The following POSTN variants were observed in gnomAD, a reference collection of about 807,000 sequenced individuals.
The protein encoded by POSTN is periostin, also known as osteoblast specific factor 2 (fasciclin I-like).
A neutral mutation model predicts 104.5 loss-of-function variants in POSTN; 71 were observed. The ratio of observed to expected loss-of-function variants is 0.68; its 90% CI spans 0.56 to 0.83. The LOEUF (loss-of-function observed/expected upper bound fraction) is 0.83, where lower values mean the gene tolerates loss of function less well. Among genes scored for constraint, POSTN ranks in the 40% least tolerant of loss-of-function variants. The probability of loss-of-function intolerance (pLI) is 0.00; values close to 1 mark genes in which losing one functional copy is unlikely to be tolerated. For synonymous variants in POSTN, 355 were observed against 340.7 expected, an observed-to-expected ratio of 1.04 and a Z score of -0.46; for missense variants, 949 against 1,006.8, an observed-to-expected ratio of 0.94 and a Z score of 0.78.
chr13:37,585,830 A>C (rs149473280), intron 7 of POSTN, among the ~76,000 whole-genome samples: 1 of 152,358 alleles, frequency 6.6e-6, no homozygotes, highest in African/African-American at 2.4e-5. Flanking sequence ...GCATTGCATA[A>C]CGTGCATACA....
intron 2 of POSTN, among the ~76,000 whole-genome samples, chr13:37,595,312 G>A (rs891459526): frequency 1.3e-5 from 2 of 151,892 alleles, no homozygotes; most frequent in Non-Finnish European, 2.9e-5. Context: ...TCCCTACTGG[G>A]GCCTAGCTTG....
intron 20 of POSTN, 77 bp from the exon 21 acceptor site, chr13:37,569,460 T>C: frequency 1.8e-6 from 2 of 1,139,874 alleles, no homozygotes; most frequent in Non-Finnish European, 2.6e-6. Flanking sequence ...TCATAAATAA[T>C]GGCATCTGCC....
chr13:37,592,568 G>T (rs1950971873), intron 2 of POSTN, among the ~76,000 whole-genome samples: 1 of 152,138 alleles, frequency 6.6e-6, no homozygotes, highest in South Asian at 2.1e-4. Context: ...AAAGTGTTGG[G>T]ATTACAGGCA....
chr13:37,584,655 G>T, intron 8 of POSTN, 61 bp downstream of exon 8: 1 of 1,329,638 alleles, frequency 7.5e-7, no homozygotes, highest in Non-Finnish European at 1.1e-6. Context: ...CTTTGAGACA[G>T]CATAATTAGT....
chr13:37,586,356 C>T lies in POSTN; in HGVS notation c.754-76G>A, dbSNP rs546919057. The T allele has an allele frequency of 8.2e-6, 12 of 1,470,722 alleles. No homozygotes were observed. The East Asian group carries it at 1.4e-4, about 17-fold the overall frequency. The allele number at this position is 1,470,722 out of a possible 1,614,324, so 91.1% of individuals were successfully genotyped here. ...AAGATTGCAACACACTTAGCCTAGG[C>T]TGACATGAAGGAGCTGATTCCTACA... On this transcript the variant is annotated intron_variant, in intron 6 of 22. Transcript: ENST00000379747.
At chr13:37,583,865 A>G (rs1950670206) in intron 9 of POSTN, 104 bp downstream of exon 9, 3 of 1,397,152 alleles carry the variant, frequency 2.1e-6, no homozygotes, top group Non-Finnish European at 2.9e-6. Context: ...GCAGAAACTA[A>G]TCAACACCTC....
In POSTN at chr13:37,586,826, T is replaced by C. The variant is rs757811469; in HGVS notation, c.709A>G (p.Ile237Val). The C allele has an allele frequency of 3.7e-6, 6 of 1,613,266 alleles. No homozygotes were observed. Among genetic ancestry groups the C allele is most frequent in the South Asian group, 3.3e-5 (3 of 91,052 alleles). ...TCTTCTGCTTCAATGAAGTCTTGAA[T>C]TGAGGTACCAATTTGTGTAAGCACA... is the stretch of plus-strand genomic sequence containing the variant. ...DRVLTQIGTS[I>V]QDFIEAEDDL... is the part of the protein sequence containing the mutation. The change falls in exon 6 of 23, where the codon ATT becomes GTT. Residue 237 changes from isoleucine (I) to valine (V), a missense_variant. By Grantham distance (29) the Ile-to-Val change is conservative. Coordinates refer to ENST00000379747, the MANE Select transcript of POSTN (RefSeq NM_006475.3).
At chr13:37,571,502 C>A in intron 17 of POSTN, 44 bp from the exon 18 acceptor site, 1 of 1,409,258 alleles carries the variant, frequency 7.1e-7, no homozygotes. Flanking sequence ...TTAAAACAGT[C>A]CTTTAAATTT....
chr13:37,571,077 C>T, intron 18 of POSTN: 1 of 327,156 alleles, frequency 3.1e-6, no homozygotes, highest in Non-Finnish European at 5.6e-6. Context: ...TTTATACTGA[C>T]ATTAATGTTA....
At chr13:37,587,382 G>A (rs909704802) in intron 5 of POSTN, among the ~76,000 whole-genome samples, 10 of 152,150 alleles carry the variant, frequency 6.6e-5, no homozygotes, top group South Asian at 4.1e-4. Flanking sequence ...GACCTCTTTC[G>A]TCCCTGAGAA....
chr13:37,598,465 C>T (rs915365483), intron 1 of POSTN, 143 bp downstream of exon 1: 1 of 654,178 alleles, frequency 1.5e-6, no homozygotes, highest in African/African-American at 1.8e-5. Context: ...ACAGAATACT[C>T]ACATTTTCCT....
In POSTN at chr13:37,564,125, T is replaced by G. The variant is rs1950009025; in HGVS notation, c.2473+394A>C. Among the ~76,000 whole-genome samples the G allele has an allele frequency of 2.2e-5, 3 of 139,160 alleles. No homozygotes were observed. In the South Asian group the frequency reaches 7.2e-4, roughly 33 times the overall value. 91.3% of individuals were successfully genotyped at this position (139,160 alleles called of 152,430 possible). A position where few individuals can be genotyped will look rare whatever the true frequency, so the allele number is the denominator to read the frequency against. Reference sequence around the variant, plus strand: ...TCTCTGATATTCAACAATTTCTTTTTGACTTAACTCTTATATACACAAAAT... The same window carrying G: ...TCTCTGATATTCAACAATTTCTTTTGGACTTAACTCTTATATACACAAAAT... On this transcript the variant is annotated intron_variant, in intron 22 of 22. Coordinates refer to ENST00000379747, the MANE Select transcript of POSTN (RefSeq NM_006475.3).
intron 20 of POSTN, 70 bp from the exon 21 acceptor site, chr13:37,569,453 T>TTATTTATG: frequency 8.4e-7 from 1 of 1,191,386 alleles, no homozygotes; most frequent in Non-Finnish European, 1.2e-6. Flanking sequence ...CTTTATGTCA[T>TTATTTATG]AAATAATGGC....
intron 10 of POSTN, among the ~76,000 whole-genome samples, chr13:37,581,442 G>A (rs1950586511): frequency 6.6e-6 from 1 of 152,194 alleles, no homozygotes; most frequent in Non-Finnish European, 1.5e-5. Flanking sequence ...TGTTAGGGCT[G>A]GGTGCAGCGG....
At chr13:37,575,445 A>C (rs1421085444) in intron 16 of POSTN, among the ~76,000 whole-genome samples, 1 of 151,744 alleles carries the variant, frequency 6.6e-6, no homozygotes, top group Non-Finnish European at 1.5e-5. Context: ...CTACGTGTGT[A>C]CCCCCCTAGA....
Position 37,563,133 on chromosome 13 carries a change from A to ACAACAGGAGGCTAACT in POSTN, c.*199_*200insAGTTAGCCTCCTGTTG, listed in dbSNP as rs1555350229. ...GTGTTATATTTTCTTCAATTCCTTT[A>ACAACAGGAGGCTAACT]CCACAGGAGGCTAACTCCACAATTT... On this transcript the variant is annotated 3_prime_UTR_variant, in exon 23 of 23. Transcript: ENST00000379747. The ACAACAGGAGGCTAACT allele has an allele frequency of 2.8e-5, 11 of 393,632 alleles. No homozygotes were observed. Among genetic ancestry groups the ACAACAGGAGGCTAACT allele is most frequent in the Non-Finnish European group, 4.1e-5 (9 of 218,520 alleles). 24.4% of individuals were successfully genotyped at this position (393,632 alleles called of 1,614,324 possible).
At chr13:37,571,343 G>C in intron 18 of POSTN, 26 bp downstream of exon 18, 1 of 1,438,906 alleles carries the variant, frequency 6.9e-7, no homozygotes, top group Non-Finnish European at 9.6e-7. Context: ...GAAGGTAGTC[G>C]GCCCCAGGTA....
chr13:37,576,301 T>C (rs1950407167), intron 16 of POSTN, among the ~76,000 whole-genome samples: 1 of 151,968 alleles, frequency 6.6e-6, no homozygotes, highest in Non-Finnish European at 1.5e-5. Flanking sequence ...TCTTTACTTC[T>C]ACTTTAAAAT....
chr13:37,565,436 T>C (rs1950068595), intron 21 of POSTN: 2 of 152,040 alleles, frequency 1.3e-5, no homozygotes, highest in Admixed American at 6.6e-5. Context: ...TTCTTTTATA[T>C]GTATCATCTA....
Sources: allele counts gnomAD v4.1 joint callset (sites outside exome capture counted in the v4.1 genomes callset), GRCh38; gene constraint gnomAD v4.1.1; transcripts MANE v1.5; gene names NCBI Gene and HGNC (gene_info 2026-07-23, HGNC 2026-07-21).